Variants in FARS2 observed in about 807,000 individuals in gnomAD.
FARS2 encodes phenylalanine--tRNA ligase, mitochondrial.
A neutral mutation model predicts 46.4 loss-of-function variants in FARS2; 40 were observed. The observed-to-expected ratio is 0.86, with a 90% CI of 0.67 to 1.12. The LOEUF (loss-of-function observed/expected upper bound fraction) is 1.12. FARS2 is among the 50% of genes most tolerant of loss of function. The pLI, the probability that FARS2 is intolerant of heterozygous loss-of-function variation, is 0.00. For missense variants in FARS2, 513 were observed against 567.9 expected, an observed-to-expected ratio of 0.90 and a Z score of 0.98; for synonymous variants, 234 against 214.9, an observed-to-expected ratio of 1.09 and a Z score of -0.78.
intron 1 of FARS2, among the ~76,000 whole-genome samples, chr6:5,365,968 G>A (rs1041717167): frequency 6.6e-6 from 1 of 152,152 alleles, no homozygotes; most frequent in African/African-American, 2.4e-5. Context: ...AGGAAGAGGA[G>A]GGGTTGGTCT....
At chr6:5,604,090 C>G (rs527367577) in intron 5 of FARS2, among the ~76,000 whole-genome samples, 2 of 152,298 alleles carry the variant, frequency 1.3e-5, no homozygotes, top group South Asian at 2.1e-4. Context: ...CTAGCAGCTC[C>G]TTAAAGGCCT....
intron 3 of FARS2, among the ~76,000 whole-genome samples, chr6:5,417,480 G>A (rs893423598): frequency 3.9e-5 from 6 of 152,110 alleles, no homozygotes; most frequent in African/African-American, 1.4e-4. Context: ...TCCTTCCTCG[G>A]CCTCCCAGAC....
intron 3 of FARS2, among the ~76,000 whole-genome samples, chr6:5,408,132 T>C (rs1277221747): frequency 1.3e-5 from 2 of 152,182 alleles, no homozygotes; most frequent in Non-Finnish European, 2.9e-5. Context: ...CAATATTGAA[T>C]AAGCTAGCCA....
chr6:5,615,721 G>A (rs891283302), intron 6 of FARS2, among the ~76,000 whole-genome samples: 1 of 151,976 alleles, frequency 6.6e-6, no homozygotes, highest in African/African-American at 2.4e-5. Flanking sequence ...TGGGTTTCCT[G>A]GACCAGCTAT....
At chr6:5,380,175 G>C (rs143543487) in intron 2 of FARS2, among the ~76,000 whole-genome samples, 172 of 152,264 alleles carry the variant, frequency 1.1e-3, no homozygotes, top group African/African-American at 4.0e-3. Flanking sequence ...GAGAATAGAG[G>C]ATGTTCTCAA....
chr6:5,759,807 T>C (rs1033150734), intron 6 of FARS2, among the ~76,000 whole-genome samples: 1 of 152,194 alleles, frequency 6.6e-6, no homozygotes, highest in Non-Finnish European at 1.5e-5. Flanking sequence ...TGGAATGGGC[T>C]GCCCCACAAG....
intron 5 of FARS2, among the ~76,000 whole-genome samples, chr6:5,570,347 G>C (rs894821777): frequency 6.6e-6 from 1 of 152,170 alleles, no homozygotes; most frequent in Non-Finnish European, 1.5e-5. Flanking sequence ...TTAAAGTTTT[G>C]ACAATTTTGA....
intron 6 of FARS2, among the ~76,000 whole-genome samples, chr6:5,757,186 A>C (rs1307513202): frequency 6.6e-6 from 1 of 151,854 alleles, no homozygotes; most frequent in African/African-American, 2.4e-5. Flanking sequence ...TTTCTTTTGA[A>C]GTAAGAAAAT....
At chr6:5,590,994 A>G (rs1308505776) in intron 5 of FARS2, among the ~76,000 whole-genome samples, 1 of 152,232 alleles carries the variant, frequency 6.6e-6, no homozygotes, top group African/African-American at 2.4e-5. Context: ...GATATGGTGT[A>G]AATTATGCAT....
At chr6:5,541,954 A>T (rs538395287) in intron 4 of FARS2, among the ~76,000 whole-genome samples, 2 of 152,278 alleles carry the variant, frequency 1.3e-5, no homozygotes, top group South Asian at 4.2e-4. Flanking sequence ...GTTTCCAGAC[A>T]TTACCATGGC....
intron 1 of FARS2, among the ~76,000 whole-genome samples, chr6:5,293,020 C>G (rs1767610954): frequency 6.6e-6 from 1 of 152,182 alleles, no homozygotes; most frequent in Admixed American, 6.5e-5. Context: ...GCACAGAATT[C>G]AAGTAAGAAA....
At chr6:5,691,942 G>A (rs1048833997) in intron 6 of FARS2, among the ~76,000 whole-genome samples, 3 of 152,180 alleles carry the variant, frequency 2.0e-5, no homozygotes, top group African/African-American at 7.2e-5. Flanking sequence ...TCAGACTGCT[G>A]TGCTAGCAAT....
At chr6:5,759,697 A>G (rs539991143) in intron 6 of FARS2, among the ~76,000 whole-genome samples, 15 of 152,168 alleles carry the variant, frequency 9.9e-5, no homozygotes, top group African/African-American at 3.4e-4. Context: ...TTGAAGGGCT[A>G]TCATGGAGGA....
At chr6:5,710,103 C>T (rs888344819) in intron 6 of FARS2, among the ~76,000 whole-genome samples, 11 of 152,192 alleles carry the variant, frequency 7.2e-5, no homozygotes, top group Non-Finnish European at 1.6e-4. Flanking sequence ...CCTGCAGCCA[C>T]CTTCTGATGG....
intron 6 of FARS2, among the ~76,000 whole-genome samples, chr6:5,714,228 A>T (rs1443019376): frequency 6.6e-6 from 1 of 152,222 alleles, no homozygotes; most frequent in African/African-American, 2.4e-5. Context: ...GTTGGGTTGC[A>T]AGAGTGAGGA....
chr6:5,502,768 A>G (rs749879678), intron 4 of FARS2, among the ~76,000 whole-genome samples: 6 of 152,238 alleles, frequency 3.9e-5, no homozygotes, highest in Non-Finnish European at 8.8e-5. Context: ...ACATGTAAAA[A>G]TGTAGGTATA....
intron 6 of FARS2, among the ~76,000 whole-genome samples, chr6:5,732,102 G>A (rs1050014411): frequency 6.6e-6 from 1 of 152,200 alleles, no homozygotes; most frequent in East Asian, 1.9e-4. Context: ...GTCCTTTCTT[G>A]TTGGATTGAA....
intron 6 of FARS2, among the ~76,000 whole-genome samples, chr6:5,732,265 G>T (rs1760676819): frequency 6.6e-6 from 1 of 152,200 alleles, no homozygotes; most frequent in Non-Finnish European, 1.5e-5. Flanking sequence ...TATCATGATT[G>T]AGAGAGGTAC....
At chr6:5,755,384 C>G (rs990876290) in intron 6 of FARS2, among the ~76,000 whole-genome samples, 3 of 152,116 alleles carry the variant, frequency 2.0e-5, no homozygotes, top group African/African-American at 4.8e-5. Context: ...GTTCCCCTCC[C>G]TGGGTCCATG....
Sources: gnomAD v4.1 joint callset for allele counts (sites outside exome capture counted in the v4.1 genomes callset) on GRCh38, gnomAD v4.1.1 for gene constraint, MANE v1.5 for transcripts, NCBI Gene and HGNC (gene_info 2026-07-23, HGNC 2026-07-21) for gene names.